LMOD3: variants seen among roughly 807,000 people sequenced by gnomAD.
The protein encoded by LMOD3 is leiomodin 3, also known as leiomodin-3.
A neutral mutation model predicts 41.8 loss-of-function variants in LMOD3; 31 were observed. The observed-to-expected ratio is 0.74, with a 90% CI of 0.56 to 1.00. The LOEUF is 1.00. Among genes scored for constraint, LMOD3 ranks in the 50% least tolerant of loss-of-function variants. The pLI, the probability that LMOD3 is intolerant of heterozygous loss-of-function variation, is 0.00. For missense variants in LMOD3, 755 were observed against 679.5 expected (o/e 1.11, Z -1.23); for synonymous variants, 292 against 241.9 (o/e 1.21, Z -1.92).
rs951749018 is a variant in LMOD3, at chr3:69,122,585, G to T, written c.-199C>A. The T allele has an allele frequency of 4.0e-5, 21 of 529,760 alleles. No homozygotes were observed. The East Asian group carries it at 6.2e-4, about 16-fold the overall frequency. The allele number at this position is 529,760 out of a possible 1,614,324, so 32.8% of individuals were successfully genotyped here. ...GAGTGATCACAGCTAAGCTCTTGCC[G>T]GATCTATATTAAGCAGGGCTTGGCT... On this transcript the variant is annotated 5_prime_UTR_variant, in exon 1 of 3. Transcript: ENST00000420581.
At chr3:69,116,853 A>G (rs1225904633) in intron 2 of LMOD3, among the ~76,000 whole-genome samples, 1 of 152,240 alleles carries the variant, frequency 6.6e-6, no homozygotes, top group African/African-American at 2.4e-5. Flanking sequence ...CTCAGAAGTC[A>G]GGGAGTTGGT....
intron 1 of LMOD3, among the ~76,000 whole-genome samples, chr3:69,120,585 G>A (rs188944164): frequency 3.3e-5 from 5 of 150,944 alleles, no homozygotes; most frequent in East Asian, 3.9e-4. Flanking sequence ...AATTAGATAC[G>A]TTTGACATTT....
intron 2 of LMOD3, among the ~76,000 whole-genome samples, chr3:69,115,689 AC>A (rs2092369063): frequency 6.6e-6 from 1 of 151,946 alleles, no homozygotes; most frequent in Non-Finnish European, 1.5e-5. Context: ...CCTTCATTTC[AC>A]CTCTATCAAG....
Position 69,108,958 on chromosome 3 carries a change from A to G in LMOD3, c.*137T>C. The G allele has an allele frequency of 4.1e-6, 3 of 733,038 alleles. No homozygotes were observed. The highest frequency in any genetic ancestry group is 2.4e-4 in the Middle Eastern group (1 of 4,198). The allele number at this position is 733,038 out of a possible 1,614,324, so 45.4% of individuals were successfully genotyped here. On this transcript the variant is annotated 3_prime_UTR_variant, in exon 3 of 3. Coordinates refer to ENST00000420581, the MANE Select transcript of LMOD3 (RefSeq NM_198271.5). ...GGCCCAAACATTCTGCCTTTTACAA[A>G]TACCCTTATCAGATGGTAGCATTGT...
Position 69,118,688 on chromosome 3 carries a change from C to G in LMOD3, c.1656+11G>C. On this transcript the variant is annotated intron_variant, in intron 2 of 2. Coordinates refer to ENST00000420581, the MANE Select transcript of LMOD3 (RefSeq NM_198271.5). ...GGTGCTCAGTCACCATTTCTCCCTCCTTCTACTTACAGGTTTAAGATAGGC... is the reference window on the plus strand; with the variant it reads ...GGTGCTCAGTCACCATTTCTCCCTCGTTCTACTTACAGGTTTAAGATAGGC... The G allele has an allele frequency of 6.2e-7, 1 of 1,603,556 alleles. No individual in the cohort carries two copies. The highest frequency in any genetic ancestry group is 8.5e-7 in the Non-Finnish European group (1 of 1,173,776).
Position 69,118,977 on chromosome 3 carries a change from C to T in LMOD3, c.1378G>A (p.Val460Ile). Residue 460 changes from valine (V) to isoleucine (I), a missense_variant, in exon 2 of 3, where the codon GTC becomes ATC. Physicochemically the swap from Val to Ile is conservative, Grantham distance 29. Transcript: ENST00000420581. ...ATTTCACTGCGTTGACTAAAGGGGACATTTTGGGGGTTGGGAGGCCGAGGT... is the reference window on the plus strand; with the variant it reads ...ATTTCACTGCGTTGACTAAAGGGGATATTTTGGGGGTTGGGAGGCCGAGGT... ...PPPRPPNPQN[V>I]PFSQRSEMMK... 1 of 1,613,144 alleles carries T rather than the reference C, an allele frequency of 6.2e-7. No homozygotes were observed. Among genetic ancestry groups the T allele is most frequent in the Non-Finnish European group, 8.5e-7 (1 of 1,179,742 alleles).
Position 69,108,977 on chromosome 3 carries a change from G to T in LMOD3, c.*118C>A. ...TTACAAATACCCTTATCAGATGGTA[G>T]CATTGTTTCCAGTTCTGCCACGTGG... On this transcript the variant is annotated 3_prime_UTR_variant, in exon 3 of 3. Coordinates refer to ENST00000420581, the MANE Select transcript of LMOD3 (RefSeq NM_198271.5). 1.2e-6 allele frequency: 1 copy of T among 864,126 alleles called. No homozygotes were observed. The highest frequency in any genetic ancestry group is 1.8e-6 in the Non-Finnish European group (1 of 543,642). The allele number at this position is 864,126 out of a possible 1,614,324, so 53.5% of individuals were successfully genotyped here. A position where few individuals can be genotyped will look rare whatever the true frequency, so the allele number is the denominator to read the frequency against.
chr3:69,109,119 C>A lies in LMOD3; in HGVS notation c.1659G>T (p.Val553=), dbSNP rs947092258. 6.1e-5 allele frequency: 98 copies of A among 1,602,284 alleles called. No homozygotes were observed. The highest frequency in any genetic ancestry group is 7.9e-5 in the Non-Finnish European group (93 of 1,174,306). ...RHSSVAYLKP[V]QLPKELA is the part of the protein sequence containing the mutation. ...CTTACGCCAGTTCTTTTGGCAGTTGCACCTGCGATTTAAGCATTTGAGGAA... is the reference window on the plus strand; with the variant it reads ...CTTACGCCAGTTCTTTTGGCAGTTGAACCTGCGATTTAAGCATTTGAGGAA... Residue 553 remains valine (V), a splice_region_variant and synonymous_variant, in exon 3 of 3, where the codon GTG becomes GTT. Transcript: ENST00000420581.
chr3:69,107,660 A>G lies in LMOD3; in HGVS notation c.*1435T>C, dbSNP rs893827061. 1.3e-5 allele frequency: 2 copies of G among 151,450 alleles called. No individual in the cohort carries two copies. The highest frequency in any genetic ancestry group is 4.9e-5 in the African/African-American group (2 of 41,182). 9.4% of individuals were successfully genotyped at this position (151,450 alleles called of 1,614,324 possible). ...CCCAGCTAATTTTTGTATTTTTAAT[A>G]GAGACGGGGTTTCACCATGTTGGCC... On this transcript the variant is annotated 3_prime_UTR_variant, in exon 3 of 3. Transcript: ENST00000420581.
At chr3:69,113,794 T>C (rs2092359704) in intron 2 of LMOD3, among the ~76,000 whole-genome samples, 1 of 152,186 alleles carries the variant, frequency 6.6e-6, no homozygotes, top group Admixed American at 6.5e-5. Context: ...CAGTGAAAAG[T>C]ACAAACACTC....
intron 2 of LMOD3, among the ~76,000 whole-genome samples, chr3:69,113,167 G>C (rs1184812319): frequency 6.6e-6 from 1 of 152,172 alleles, no homozygotes. Context: ...GGTAACCCTG[G>C]AGTTTCAGAC....
At chr3:69,115,161 C>A (rs1433630938) in intron 2 of LMOD3, among the ~76,000 whole-genome samples, 1 of 152,146 alleles carries the variant, frequency 6.6e-6, no homozygotes, top group Non-Finnish European at 1.5e-5. Context: ...GTATGAACCA[C>A]CGCTCCCAGC....
At position 69,119,070 on chromosome 3, in the gene LMOD3, CA is replaced by C. The variant is rs755624835; in HGVS notation, c.1284del (p.Met430CysfsTer39). ...GGTCCTCCCAACAGCTCCCACATCCCAGGGGGCAGCCCCAACCCATTCTCTA... is the reference window on the plus strand; with the variant it reads ...GGTCCTCCCAACAGCTCCCACATCCCGGGGGCAGCCCCAACCCATTCTCTA... ...AMLENGLGLP[P>X]GMWELLGGPK... On this transcript the variant is annotated frameshift_variant, in exon 2 of 3. Transcript: ENST00000420581. LOFTEE classifies it high-confidence loss of function. 1.2e-6 allele frequency: 2 copies of C among 1,613,730 alleles called. No homozygotes were observed. The highest frequency in any genetic ancestry group is 1.3e-5 in the African/African-American group (1 of 74,938).
chr3:69,119,448 C>G lies in LMOD3; in HGVS notation c.907G>C (p.Ala303Pro). Reference protein sequence around the residue: ...GADENVAFALANMLRENRSIT... With the variant: ...GADENVAFALPNMLRENRSIT... ...CTTCTATTTTCACGCAACATGTTAG[C>G]CAAGGCAAATGCTACATTCTCATCT... The change falls in exon 2 of 3, where the codon GCT (alanine) becomes CCT (proline). Residue 303 changes from alanine to proline, a missense_variant. By Grantham distance (27) the Ala-to-Pro change is conservative. Coordinates refer to ENST00000420581, the MANE Select transcript of LMOD3 (RefSeq NM_198271.5). 1 of 1,613,970 alleles carries G rather than the reference C, an allele frequency of 6.2e-7. No homozygotes were observed. The highest frequency in any genetic ancestry group is 8.5e-7 in the Non-Finnish European group (1 of 1,179,896).
chr3:69,118,947 T>C lies in LMOD3; in HGVS notation c.1408A>G (p.Lys470Glu). Residue 470 changes from lysine to glutamate, a missense_variant, in exon 2 of 3, where the codon AAA (lysine) becomes GAA (glutamate). Transcript: ENST00000420581. Reference protein sequence around the residue: ...VPFSQRSEMMKKPSQAPKYRT... With the variant: ...VPFSQRSEMMEKPSQAPKYRT... The stretch of plus-strand genomic sequence containing the variant: ...TACTTCGGGGCCTGCGATGGCTTTT[T>C]CATCATTTCACTGCGTTGACTAAAG... 1 of 1,612,882 alleles carries C rather than the reference T, an allele frequency of 6.2e-7. No individual in the cohort carries two copies.
rs564173482 is a variant in LMOD3 at position 69,116,747 on chromosome 3, T to A, written c.1656+1952A>T. ...GACTTACCACTATATCCCCAATCCTTCTCATCTGCCTGACATATATATTTG... is the reference window on the plus strand; with the variant it reads ...GACTTACCACTATATCCCCAATCCTACTCATCTGCCTGACATATATATTTG... On this transcript the variant is annotated intron_variant, in intron 2 of 2. Transcript: ENST00000420581. Among the ~76,000 whole-genome samples the A allele has an allele frequency of 1.1e-4, 16 of 152,236 alleles. No individual in the cohort carries two copies. In the South Asian group the frequency reaches 3.3e-3, roughly 32 times the overall value.
intron 2 of LMOD3, among the ~76,000 whole-genome samples, chr3:69,111,189 C>T (rs1252743953): frequency 6.6e-6 from 1 of 152,136 alleles, no homozygotes; most frequent in Non-Finnish European, 1.5e-5. Context: ...GCTCTGGCTC[C>T]TCTTGCAGCC....
In LMOD3 at chr3:69,107,891, G is replaced by C. The variant is rs887851037; in HGVS notation, c.*1204C>G. ...AATTAAGGCCTCTAGGAACTTGGAAGAAGGACAGATTGGAGTTGTCTGGAA... is the reference window on the plus strand; with the variant it reads ...AATTAAGGCCTCTAGGAACTTGGAACAAGGACAGATTGGAGTTGTCTGGAA... On this transcript the variant is annotated 3_prime_UTR_variant, in exon 3 of 3. Transcript: ENST00000420581. 1 of 152,124 alleles carries C rather than the reference G, an allele frequency of 6.6e-6. No individual in the cohort carries two copies. Among genetic ancestry groups the C allele is most frequent in the African/African-American group, 2.4e-5 (1 of 41,390 alleles). 9.4% of individuals were successfully genotyped at this position (152,124 alleles called of 1,614,324 possible).
intron 2 of LMOD3, among the ~76,000 whole-genome samples, chr3:69,115,930 T>A (rs62255470): frequency 6.6e-6 from 1 of 152,120 alleles, no homozygotes; most frequent in African/African-American, 2.4e-5. Flanking sequence ...ATTACCTCCA[T>A]TGAGTCATGT....
Sources: gnomAD v4.1 joint callset for allele counts (sites outside exome capture counted in the v4.1 genomes callset) on GRCh38, gnomAD v4.1.1 for gene constraint, MANE v1.5 for transcripts, NCBI Gene and HGNC (gene_info 2026-07-23, HGNC 2026-07-21) for gene names.